Variants in SHISA9 observed in about 807,000 individuals in gnomAD.
SHISA9 encodes the protein protein shisa-9.
In SHISA9, 13 loss-of-function variants were observed where a neutral mutation model predicts 38.0. The ratio of observed to expected loss-of-function variants is 0.34; its 90% CI spans 0.22 to 0.54. The LOEUF is 0.54. Ranked by LOEUF, SHISA9 falls within the 20% of genes least tolerant of loss-of-function variation. SHISA9 has a pLI of 0.91. For synonymous variants in SHISA9, 275 were observed against 242.0 expected (o/e 1.14, Z -1.27); for missense variants, 538 against 575.8 (o/e 0.93, Z 0.67).
the SHISA9 span, among the ~76,000 whole-genome samples, chr16:13,280,574 T>G: frequency 2.6e-5 from 4 of 151,814 alleles, no homozygotes; most frequent in Non-Finnish European, 5.9e-5. Context: ...AGTATATTGT[T>G]TATCATCCAC....
intron 2 of SHISA9, among the ~76,000 whole-genome samples, chr16:13,120,161 G>T (rs970366235): frequency 6.6e-6 from 1 of 152,080 alleles, no homozygotes; most frequent in East Asian, 1.9e-4. Flanking sequence ...AAGAAGGAAG[G>T]GTGCAGATAT....
In SHISA9 at chr16:13,238,705, G is replaced by C. The variant is rs146588908; in HGVS notation, c.*3296G>C. 1 of 152,004 alleles carries C rather than the reference G, an allele frequency of 6.6e-6. No homozygotes were observed. The highest frequency in any genetic ancestry group is 1.9e-4 in the East Asian group (1 of 5,168). 9.4% of individuals were successfully genotyped at this position (152,004 alleles called of 1,614,324 possible). On this transcript the variant is annotated 3_prime_UTR_variant, in exon 5 of 5. Coordinates refer to ENST00000558583, the MANE Select transcript of SHISA9 (RefSeq NM_001145204.3). ...CTGTCTAGGATGGAAAGCTCAGGAA[G>C]TGCTTCATAGTTTATTATCTTCCAG... is the stretch of plus-strand genomic sequence containing the variant.
intron 2 of SHISA9, among the ~76,000 whole-genome samples, chr16:13,117,077 A>G (rs754277639): frequency 2.0e-5 from 3 of 152,104 alleles, no homozygotes; most frequent in Admixed American, 6.5e-5. Flanking sequence ...GGTTCAAGCA[A>G]TTCTCCTACC....
chr16:13,049,506 G>A (rs963169174), intron 2 of SHISA9, among the ~76,000 whole-genome samples: 1 of 152,144 alleles, frequency 6.6e-6, no homozygotes, highest in African/African-American at 2.4e-5. Context: ...GGAGGAAAAT[G>A]TGTCCCTGTG....
chr16:13,467,654 G>A, the SHISA9 span, among the ~76,000 whole-genome samples: 2 of 152,178 alleles, frequency 1.3e-5, no homozygotes, highest in South Asian at 4.1e-4. Flanking sequence ...CTCACAATTT[G>A]CCCATCCATG....
At chr16:13,256,317 T>A in the SHISA9 span, among the ~76,000 whole-genome samples, 1 of 152,230 alleles carries the variant, frequency 6.6e-6, no homozygotes, top group African/African-American at 2.4e-5. Flanking sequence ...GTTTCACTGT[T>A]GTTGCCCAGG....
chr16:13,515,529 C>T, the SHISA9 span, among the ~76,000 whole-genome samples: 15 of 152,216 alleles, frequency 9.9e-5, no homozygotes, highest in South Asian at 4.1e-4. Flanking sequence ...AAGACTCATA[C>T]GAGTGTCATA....
At chr16:13,498,332 C>G in the SHISA9 span, among the ~76,000 whole-genome samples, 8 of 152,318 alleles carry the variant, frequency 5.3e-5, 1 homozygote, top group Admixed American at 5.2e-4. Flanking sequence ...AGTGTAAAGA[C>G]AGTGACATGG....
the SHISA9 span, among the ~76,000 whole-genome samples, chr16:13,469,317 AGAG>A: frequency 3.7e-5 from 3 of 81,248 alleles, no homozygotes; most frequent in East Asian, 4.5e-4. Flanking sequence ...AGAGAGAGAG[AGAG>A]AGAAAGAAAG....
Position 13,235,440 on chromosome 16 carries a change from A to T in SHISA9, c.*31A>T. The T allele has an allele frequency of 1.3e-6, 2 of 1,512,384 alleles. No individual in the cohort carries two copies. The highest frequency in any genetic ancestry group is 1.8e-6 in the Non-Finnish European group (2 of 1,133,450). 93.7% of individuals were successfully genotyped at this position (1,512,384 alleles called of 1,614,324 possible). A position where few individuals can be genotyped will look rare whatever the true frequency, so the allele number is the denominator to read the frequency against. On this transcript the variant is annotated 3_prime_UTR_variant, in exon 5 of 5. Transcript: ENST00000558583. ...CACCACAGGGAGCACCCTGGAGACC[A>T]CACTCAACTGAGAGAGGCAAAAAAC...
intron 2 of SHISA9, among the ~76,000 whole-genome samples, chr16:13,127,904 A>G (rs1255559967): frequency 6.6e-6 from 1 of 152,186 alleles, no homozygotes; most frequent in Non-Finnish European, 1.5e-5. Flanking sequence ...GGGAGAGCCC[A>G]GCTTCTGATG....
chr16:13,560,754 G>GA, the SHISA9 span, among the ~76,000 whole-genome samples: 4,370 of 133,110 alleles, frequency 0.033, 192 homozygotes, highest in African/African-American at 0.1. Context: ...ACTAAATTAG[G>GA]AAAAAAAAAA....
At chr16:12,920,790 T>TA (rs2071318133) in intron 2 of SHISA9, among the ~76,000 whole-genome samples, 1 of 152,234 alleles carries the variant, frequency 6.6e-6, no homozygotes, top group East Asian at 1.9e-4. Context: ...AGCTAAACTG[T>TA]AGACATGTTT....
At chr16:13,211,137 A>G (rs1199643084) in intron 3 of SHISA9, among the ~76,000 whole-genome samples, 25 of 152,034 alleles carry the variant, frequency 1.6e-4, no homozygotes, top group Non-Finnish European at 1.5e-5. Context: ...TCTCTACTAA[A>G]AATACAAAAA....
At chr16:13,327,763 T>C in the SHISA9 span, among the ~76,000 whole-genome samples, 1 of 151,974 alleles carries the variant, frequency 6.6e-6, no homozygotes, top group Non-Finnish European at 1.5e-5. Flanking sequence ...TTCAAGTGAT[T>C]CTCGTGCCTC....
intron 2 of SHISA9, among the ~76,000 whole-genome samples, chr16:12,934,067 G>A (rs1846900): frequency 0.24 from 36,796 of 152,042 alleles, 4,882 homozygotes; most frequent in East Asian, 0.35. Context: ...AAAAAACTCC[G>A]CAGGATGTGC....
chr16:13,472,376 AATTTTTTTTTTTTTTT>A, the SHISA9 span, among the ~76,000 whole-genome samples: 1 of 113,436 alleles, frequency 8.8e-6, no homozygotes, highest in African/African-American at 3.6e-5. Context: ...CGCTCTGCTA[AATTTTTTTTTTTTTTT>A]TTTTTTTTTT....
At chr16:13,308,222 T>TC in the SHISA9 span, among the ~76,000 whole-genome samples, 1 of 150,192 alleles carries the variant, frequency 6.7e-6, no homozygotes, top group African/African-American at 2.5e-5. Flanking sequence ...GCTTTTTTTT[T>TC]TTTATGTTCA....
intron 2 of SHISA9, among the ~76,000 whole-genome samples, chr16:13,162,655 G>C (rs985846381): frequency 6.6e-6 from 1 of 152,186 alleles, no homozygotes; most frequent in Non-Finnish European, 1.5e-5. Flanking sequence ...TTACACACAG[G>C]ACTTTATTAT....
Sources: gnomAD v4.1 joint callset for allele counts (sites outside exome capture counted in the v4.1 genomes callset) on GRCh38, gnomAD v4.1.1 for gene constraint, MANE v1.5 for transcripts, NCBI Gene and HGNC (gene_info 2026-07-23, HGNC 2026-07-21) for gene names.